LAMA2: variants seen among roughly 807,000 people sequenced by gnomAD.
LAMA2 encodes laminin subunit alpha-2.
In LAMA2, 269 loss-of-function variants were observed where a neutral mutation model predicts 364.8. That is an observed-to-expected ratio of 0.74 (90% confidence interval 0.67 to 0.82). The LOEUF (loss-of-function observed/expected upper bound fraction) is 0.82, where lower values mean the gene tolerates loss of function less well. LAMA2 is among the 40% of genes least tolerant of loss of function. The probability of loss-of-function intolerance (pLI) is 0.00; values close to 1 mark genes in which losing one functional copy is unlikely to be tolerated. For synonymous variants in LAMA2, 1,379 were observed against 1,370.6 expected, an observed-to-expected ratio of 1.01 and a Z score of -0.14; for missense variants, 3,807 against 3,873.2, an observed-to-expected ratio of 0.98 and a Z score of 0.45.
intron 12 of LAMA2, among the ~76,000 whole-genome samples, chr6:129,241,822 C>A: frequency 6.6e-6 from 1 of 152,114 alleles, no homozygotes; most frequent in East Asian, 1.9e-4. Flanking sequence ...ATCCATTGCA[C>A]CTTTGGGATT....
At chr6:129,279,224 G>C (rs532978181) in intron 17 of LAMA2, among the ~76,000 whole-genome samples, 1 of 152,136 alleles carries the variant, frequency 6.6e-6, no homozygotes, top group Non-Finnish European at 1.5e-5. Flanking sequence ...AGTCGAGAAC[G>C]CATTACCGTG....
At chr6:129,280,811 T>A (rs2114393251) in intron 18 of LAMA2, among the ~76,000 whole-genome samples, 1 of 152,260 alleles carries the variant, frequency 6.6e-6, no homozygotes, top group African/African-American at 2.4e-5. Flanking sequence ...CCCCTTGACA[T>A]CATTGCCAAA....
chr6:129,349,331 C>T lies in LAMA2; in HGVS notation c.4470C>T (p.Asp1490=), dbSNP rs35089085. Residue 1490 remains aspartate, a synonymous_variant, in exon 31 of 65, where the codon GAC becomes GAT. Coordinates refer to ENST00000421865, the MANE Select transcript of LAMA2 (RefSeq NM_000426.4). ...CCTCTTGTGTCGCAGAAGGACTTGA[C>T]GACTACCGCTGCACGGCTTGTCCAC... ...FSPSCVAEGL[D]DYRCTACPRG... is the part of the protein sequence containing the mutation. 13,208 of 1,613,168 alleles carry T rather than the reference C, an allele frequency of 8.2e-3. 77 individuals are homozygous for T. The highest frequency in any genetic ancestry group is 9.6e-3 in the Non-Finnish European group (11,313 of 1,179,336).
At chr6:129,488,133 C>A (rs1004428237) in intron 56 of LAMA2, among the ~76,000 whole-genome samples, 6 of 152,076 alleles carry the variant, frequency 3.9e-5, no homozygotes, top group Non-Finnish European at 7.4e-5. Context: ...TATGGTGAAA[C>A]CCCGTCTCTA....
intron 62 of LAMA2, among the ~76,000 whole-genome samples, chr6:129,508,821 A>T (rs574116769): frequency 5.3e-5 from 8 of 152,184 alleles, no homozygotes; most frequent in Non-Finnish European, 1.2e-4. Context: ...GCTGCAATAA[A>T]CGTGGGAGTG....
chr6:129,039,952 A>G (rs549843918), intron 1 of LAMA2, among the ~76,000 whole-genome samples: 1 of 152,294 alleles, frequency 6.6e-6, no homozygotes, highest in East Asian at 1.9e-4. Context: ...CCGGGTTAGG[A>G]TGCTACTGTA....
At chr6:128,886,999 T>C (rs1776185553) in intron 1 of LAMA2, among the ~76,000 whole-genome samples, 1 of 152,238 alleles carries the variant, frequency 6.6e-6, no homozygotes, top group African/African-American at 2.4e-5. Context: ...TTAGAGTGCA[T>C]ACTTGCATTT....
chr6:128,901,640 C>T (rs1355152273), intron 1 of LAMA2, among the ~76,000 whole-genome samples: 1 of 152,130 alleles, frequency 6.6e-6, no homozygotes, highest in Admixed American at 6.6e-5. Context: ...GATTTTATCT[C>T]TCCATAGAAA....
intron 9 of LAMA2, among the ~76,000 whole-genome samples, 193 bp downstream of exon 9, chr6:129,165,868 TATA>T (rs1388786810): frequency 6.6e-6 from 1 of 152,216 alleles, no homozygotes; most frequent in Non-Finnish European, 1.5e-5. Context: ...CATGTTTAAT[TATA>T]ATGTTTTCAT....
At chr6:129,124,535 G>T (rs942550200) in intron 4 of LAMA2, among the ~76,000 whole-genome samples, 13 of 152,164 alleles carry the variant, frequency 8.5e-5, no homozygotes, top group African/African-American at 2.9e-4. Context: ...CAGGCAACTG[G>T]CACCAAATAT....
intron 30 of LAMA2, among the ~76,000 whole-genome samples, chr6:129,345,678 AAACTTGTGTGTGTAGATATC>A (rs1776505943): frequency 6.6e-6 from 1 of 152,140 alleles, no homozygotes; most frequent in Non-Finnish European, 1.5e-5. Flanking sequence ...AAACACACAA[AAACTTGTGTGTGTAGATATC>A]TAAATATATG....
intron 3 of LAMA2, among the ~76,000 whole-genome samples, chr6:129,093,854 A>G (rs1775001171): frequency 6.6e-6 from 1 of 152,188 alleles, no homozygotes. Flanking sequence ...TCAACAGAAA[A>G]GACACTTGGA....
rs112637707 is a variant in LAMA2 at position 129,456,332 on chromosome 6, A to C, written c.6708-3A>C. 403 of 1,613,342 alleles carry C rather than the reference A, an allele frequency of 2.5e-4. 1 individual carries two copies. The highest frequency in any genetic ancestry group is 2.3e-3 in the African/African-American group (175 of 74,984). The stretch of plus-strand genomic sequence containing the variant: ...CCCTTCACTTCAACACGTACCCTTG[A>C]AGAACTGGGAGAAATGGAACTATTT... On this transcript the variant is annotated splice_polypyrimidine_tract_variant and splice_region_variant and intron_variant, in intron 47 of 64. Coordinates refer to ENST00000421865, the MANE Select transcript of LAMA2 (RefSeq NM_000426.4).
At chr6:129,302,524 C>G (rs926521224) in intron 22 of LAMA2, among the ~76,000 whole-genome samples, 1 of 151,978 alleles carries the variant, frequency 6.6e-6, no homozygotes, top group African/African-American at 2.4e-5. Flanking sequence ...ATAGTCCATA[C>G]TTTTTATGTT....
intron 1 of LAMA2, among the ~76,000 whole-genome samples, chr6:128,887,194 GT>G (rs1776193803): frequency 6.6e-6 from 1 of 152,066 alleles, no homozygotes; most frequent in South Asian, 2.1e-4. Context: ...AAAACATCTT[GT>G]GTTATAACAC....
intron 3 of LAMA2, among the ~76,000 whole-genome samples, chr6:129,085,725 C>T (rs1774345138): frequency 6.6e-6 from 1 of 152,114 alleles, no homozygotes; most frequent in Non-Finnish European, 1.5e-5. Context: ...CAGCTCTCAG[C>T]ACTTCATAAA....
chr6:129,214,891 T>C (rs1429562987), intron 12 of LAMA2, among the ~76,000 whole-genome samples: 1 of 152,182 alleles, frequency 6.6e-6, no homozygotes, highest in Non-Finnish European at 1.5e-5. Flanking sequence ...ACCTTGAGTC[T>C]TCCTATTTAT....
intron 22 of LAMA2, among the ~76,000 whole-genome samples, chr6:129,312,589 C>T (rs1053371799): frequency 6.6e-6 from 1 of 152,212 alleles, no homozygotes; most frequent in Non-Finnish European, 1.5e-5. Flanking sequence ...CCCAGCCCCT[C>T]TCTACCTCAG....
chr6:129,146,840 C>T (rs573824436), intron 5 of LAMA2, 119 bp from the exon 6 acceptor site: 9 of 755,182 alleles, frequency 1.2e-5, no homozygotes, highest in South Asian at 8.5e-5. Flanking sequence ...TCAAGAAACA[C>T]AAATGTCCTT....
Sources: allele counts gnomAD v4.1 joint callset (sites outside exome capture counted in the v4.1 genomes callset), GRCh38; gene constraint gnomAD v4.1.1; transcripts MANE v1.5; gene names NCBI Gene and HGNC (gene_info 2026-07-23, HGNC 2026-07-21).